Variants in SLC6A13 observed in about 807,000 individuals in gnomAD.
SLC6A13 encodes sodium- and chloride-dependent GABA transporter 2.
Under a neutral mutation model 72.9 loss-of-function variants are expected in SLC6A13, and 69 were observed. That is an observed-to-expected ratio of 0.95 (90% CI 0.78 to 1.16). SLC6A13 has a LOEUF of 1.16. SLC6A13 is among the 50% of genes most tolerant of loss of function. The probability of loss-of-function intolerance (pLI) is 0.00; values close to 1 mark genes in which losing one functional copy is unlikely to be tolerated. For missense variants in SLC6A13, 735 were observed against 760.5 expected (o/e 0.97, Z 0.39); for synonymous variants, 303 against 303.0 (o/e 1.00, Z 0.00).
chr12:240,624 C>T (rs1942130916), intron 4 of SLC6A13, among the ~76,000 whole-genome samples: 2 of 152,252 alleles, frequency 1.3e-5, no homozygotes, highest in Admixed American at 6.5e-5. Context: ...ACCTTTTCTG[C>T]CCTCACGATC....
intron 7 of SLC6A13, among the ~76,000 whole-genome samples, chr12:229,858 G>T (rs1266625176): frequency 6.6e-6 from 1 of 152,162 alleles, no homozygotes; most frequent in South Asian, 2.1e-4. Context: ...AAGAGAAATC[G>T]TGACTTGGCC....
At chr12:243,632 A>G in intron 3 of SLC6A13, 47 bp downstream of exon 3, 23 of 1,584,814 alleles carry the variant, frequency 1.5e-5, no homozygotes, top group Non-Finnish European at 2.0e-5. Context: ...AACAAGGTTT[A>G]TAACCACGAA....
intron 6 of SLC6A13, among the ~76,000 whole-genome samples, chr12:235,693 C>T (rs554169357): frequency 2.6e-5 from 4 of 152,276 alleles, no homozygotes; most frequent in African/African-American, 7.2e-5. Context: ...GGGAAGACAA[C>T]CATAAGGTCT....
rs1453085247 is a variant in SLC6A13, at chr12:242,008, T to C, written c.478+606A>G. 3.3e-5 allele frequency among the ~76,000 whole-genome samples: 5 copies of C among 152,258 alleles called. No individual in the cohort carries two copies. In the East Asian group the frequency reaches 9.6e-4, roughly 29 times the overall value. On this transcript the variant is annotated intron_variant, in intron 4 of 14. Coordinates refer to ENST00000343164, the MANE Select transcript of SLC6A13 (RefSeq NM_016615.5). ...GTGCCTACAGTGTTCGGCACAGTAT[T>C]ATAGCAGACGGCCCAGGTGTGCGAT...
chr12:246,354 C>T (rs991379070), intron 2 of SLC6A13, among the ~76,000 whole-genome samples: 4 of 151,794 alleles, frequency 2.6e-5, no homozygotes, highest in African/African-American at 9.7e-5. Context: ...ATCCAGCAAC[C>T]CATAAAGCAA....
At chr12:243,907 G>A (rs1942257785) in intron 2 of SLC6A13, 94 bp from the exon 3 acceptor site, 1 of 1,249,544 alleles carries the variant, frequency 8.0e-7, no homozygotes, top group Non-Finnish European at 1.1e-6. Flanking sequence ...CTGCCAGTCA[G>A]AATCTCGGAG....
intron 4 of SLC6A13, among the ~76,000 whole-genome samples, chr12:238,940 T>C (rs1370298943): frequency 6.6e-6 from 1 of 152,134 alleles, no homozygotes; most frequent in Admixed American, 6.5e-5. Context: ...TAGATCACTC[T>C]ATGTCACACC....
chr12:224,882 A>C (rs1210712267), intron 9 of SLC6A13, among the ~76,000 whole-genome samples: 1 of 152,256 alleles, frequency 6.6e-6, no homozygotes, highest in Non-Finnish European at 1.5e-5. Flanking sequence ...GATCTAGTGC[A>C]GAATGCAAGG....
chr12:247,173 T>G (rs1942384923), intron 2 of SLC6A13, among the ~76,000 whole-genome samples: 1 of 151,710 alleles, frequency 6.6e-6, no homozygotes, highest in South Asian at 2.1e-4. Flanking sequence ...AAATAATAGC[T>G]GAAAATTTTA....
At position 262,598 on chromosome 12, in the gene SLC6A13, C is replaced by G. The variant is rs1053740954; in HGVS notation, c.-6+191G>C. Reference sequence around the variant, plus strand: ...TTCCAAATCACAGTGTCACTTAAGTCAACAGCCACCCAAGTTTCAGAAAGT... The same window carrying G: ...TTCCAAATCACAGTGTCACTTAAGTGAACAGCCACCCAAGTTTCAGAAAGT... On this transcript the variant is annotated intron_variant, in intron 1 of 14. Coordinates refer to ENST00000343164, the MANE Select transcript of SLC6A13 (RefSeq NM_016615.5). 1.3e-5 allele frequency: 9 copies of G among 682,268 alleles called. No individual in the cohort carries two copies. In the African/African-American group the frequency reaches 1.8e-4, roughly 13 times the overall value. The allele number at this position is 682,268 out of a possible 1,614,324, so 42.3% of individuals were successfully genotyped here. A position where few individuals can be genotyped will look rare whatever the true frequency, so the allele number is the denominator to read the frequency against.
intron 11 of SLC6A13, 41 bp downstream of exon 11, chr12:223,951 G>A: frequency 2.5e-6 from 4 of 1,609,576 alleles, no homozygotes; most frequent in South Asian, 1.1e-5. Context: ...CTGTCACTTG[G>A]CTCCTCCTCC....
intron 2 of SLC6A13, among the ~76,000 whole-genome samples, chr12:251,914 GACTGCACCATTGC>G (rs1191522578): frequency 2.0e-5 from 3 of 152,280 alleles, no homozygotes; most frequent in East Asian, 1.9e-4. Flanking sequence ...AGTGAGCCGT[GACTGCACCATTGC>G]ACTGCACCAT....
intron 13 of SLC6A13, among the ~76,000 whole-genome samples, chr12:221,895 C>T (rs111587262): frequency 1.3e-5 from 2 of 152,372 alleles, no homozygotes; most frequent in South Asian, 4.1e-4. Flanking sequence ...GCCATGCCTC[C>T]TTCTCCCTCT....
intron 2 of SLC6A13, among the ~76,000 whole-genome samples, chr12:255,186 G>T (rs1389769257): frequency 2.0e-5 from 3 of 152,136 alleles, no homozygotes; most frequent in African/African-American, 7.2e-5. Flanking sequence ...CAGGCATTCG[G>T]GTGCTGAGCT....
intron 12 of SLC6A13, 78 bp downstream of exon 12, chr12:223,054 A>G: frequency 1.2e-6 from 1 of 856,954 alleles, no homozygotes; most frequent in South Asian, 1.5e-5. Flanking sequence ...CGAGCAGTAG[A>G]TGTCTGTTTC....
intron 4 of SLC6A13, among the ~76,000 whole-genome samples, chr12:242,010 T>G (rs772649586): frequency 1.2e-4 from 18 of 152,256 alleles, no homozygotes; most frequent in Non-Finnish European, 1.9e-4. Flanking sequence ...CACAGTATTA[T>G]AGCAGACGGC....
At chr12:223,680 A>G (rs1386470733) in intron 11 of SLC6A13, 4 of 381,460 alleles carry the variant, frequency 1.0e-5, no homozygotes, top group African/African-American at 2.0e-5. Context: ...AACTTGGTTC[A>G]GCTGCCTGGG....
At position 227,650 on chromosome 12, in the gene SLC6A13, T is replaced by C; in HGVS notation, c.850A>G (p.Thr284Ala). Reference sequence around the variant, plus strand: ...ATGGCGAAGGAGAAGAATATCTGGGTGCCTGCATCCATCCACACCTACAAA... The same window carrying C: ...ATGGCGAAGGAGAAGAATATCTGGGCGCCTGCATCCATCCACACCTACAAA... ...WDPQVWMDAGTQIFFSFAICL... is the reference protein window; with the variant it reads ...WDPQVWMDAGAQIFFSFAICL... The change falls in exon 8 of 15, where the codon ACC becomes GCC. Residue 284 changes from threonine to alanine, a missense_variant. Physicochemically the swap from Thr to Ala is moderately conservative, Grantham distance 58 (BLOSUM62 0). Coordinates refer to ENST00000343164, the MANE Select transcript of SLC6A13 (RefSeq NM_016615.5). The C allele has an allele frequency of 1.9e-6, 3 of 1,610,954 alleles. No individual in the cohort carries two copies. The highest frequency in any genetic ancestry group is 2.5e-6 in the Non-Finnish European group (3 of 1,178,226).
At chr12:226,579 C>A in intron 8 of SLC6A13, 65 bp from the exon 9 acceptor site, 1 of 1,548,706 alleles carries the variant, frequency 6.5e-7, no homozygotes, top group Non-Finnish European at 8.7e-7. Flanking sequence ...ACCTCTCCTG[C>A]TTCCTGTCTG....
Sources: gnomAD v4.1 joint callset for allele counts (sites outside exome capture counted in the v4.1 genomes callset) on GRCh38, gnomAD v4.1.1 for gene constraint, MANE v1.5 for transcripts, NCBI Gene and HGNC (gene_info 2026-07-23, HGNC 2026-07-21) for gene names.